The following RBFOX1 variants were observed in gnomAD, a reference collection of about 807,000 sequenced individuals.
RBFOX1 encodes RNA binding fox-1 homolog 1.
Under a neutral mutation model 57.7 loss-of-function variants are expected in RBFOX1, and 8 were observed. That is an observed-to-expected ratio of 0.14 (90% CI 0.08 to 0.25). RBFOX1 has a LOEUF of 0.25. Ranked by LOEUF, RBFOX1 falls within the 10% of genes least tolerant of loss-of-function variation. RBFOX1 has a pLI of 1.00. For synonymous variants in RBFOX1, 326 were observed against 222.4 expected, an observed-to-expected ratio of 1.47 and a Z score of -4.15; for missense variants, 611 against 548.5, an observed-to-expected ratio of 1.11 and a Z score of -1.14.
intron 4 of RBFOX1, among the ~76,000 whole-genome samples, chr16:7,228,534 A>G: frequency 6.6e-6 from 1 of 152,218 alleles, no homozygotes; most frequent in South Asian, 2.1e-4. Context: ...GAAATTTTAC[A>G]GATTGGGAAA....
chr16:6,891,306 C>G (rs191477934), intron 3 of RBFOX1, among the ~76,000 whole-genome samples: 3 of 152,282 alleles, frequency 2.0e-5, no homozygotes, highest in African/African-American at 7.2e-5. Context: ...AGTATTATCT[C>G]TAAAGAGGAA....
intron 3 of RBFOX1, among the ~76,000 whole-genome samples, chr16:5,741,360 C>T (rs958160319): frequency 6.6e-6 from 1 of 152,146 alleles, no homozygotes; most frequent in African/African-American, 2.4e-5. Flanking sequence ...TCATCTCCAT[C>T]TTCTTTAATG....
intron 4 of RBFOX1, among the ~76,000 whole-genome samples, chr16:5,965,991 C>T (rs1182136155): frequency 6.6e-6 from 1 of 152,182 alleles, no homozygotes; most frequent in African/African-American, 2.4e-5. Context: ...GGCATTCTTG[C>T]TGCCCCCAAC....
chr16:5,720,865 G>T (rs958075582), intron 3 of RBFOX1, among the ~76,000 whole-genome samples: 7 of 152,152 alleles, frequency 4.6e-5, no homozygotes, highest in African/African-American at 7.2e-5. Context: ...TGGGAAGTGT[G>T]AGTCTCCAAC....
At chr16:5,924,698 A>G (rs1289708320) in intron 4 of RBFOX1, among the ~76,000 whole-genome samples, 1 of 152,124 alleles carries the variant, frequency 6.6e-6, no homozygotes, top group East Asian at 1.9e-4. Flanking sequence ...TACCCAGCCT[A>G]TGTATTCTTT....
At chr16:7,267,471 G>C (rs1048217524) in intron 4 of RBFOX1, among the ~76,000 whole-genome samples, 2 of 152,176 alleles carry the variant, frequency 1.3e-5, no homozygotes, top group Admixed American at 6.5e-5. Flanking sequence ...AGTAGGTGGA[G>C]GTTGCAGCGA....
intron 4 of RBFOX1, among the ~76,000 whole-genome samples, chr16:7,493,984 A>G (rs758776291): frequency 6.6e-6 from 1 of 152,236 alleles, no homozygotes; most frequent in Non-Finnish European, 1.5e-5. Context: ...TTGAAGAACC[A>G]CACTGATAAG....
chr16:6,708,379 T>G (rs7188849), intron 3 of RBFOX1, among the ~76,000 whole-genome samples: 81,088 of 151,966 alleles, frequency 0.53, 24,014 homozygotes, highest in Middle Eastern at 0.8. Flanking sequence ...CTTTCCATCA[T>G]TTTTTCCTAA....
chr16:6,551,796 C>G (rs2096994497), intron 2 of RBFOX1, among the ~76,000 whole-genome samples: 1 of 152,196 alleles, frequency 6.6e-6, no homozygotes, highest in Admixed American at 6.5e-5. Context: ...GACGTCAGAG[C>G]TACTGTGATT....
At chr16:5,346,759 G>A (rs1405040475) in intron 1 of RBFOX1, among the ~76,000 whole-genome samples, 1 of 152,180 alleles carries the variant, frequency 6.6e-6, no homozygotes, top group Non-Finnish European at 1.5e-5. Flanking sequence ...ATGGCCTCTG[G>A]AGCTGAGCTG....
chr16:5,808,413 G>A (rs961837215), intron 3 of RBFOX1, among the ~76,000 whole-genome samples: 3 of 152,074 alleles, frequency 2.0e-5, no homozygotes, highest in Admixed American at 1.3e-4. Context: ...CTCTTTTTTG[G>A]TTCCATATGA....
chr16:6,462,797 A>T (rs1437005133), intron 2 of RBFOX1, among the ~76,000 whole-genome samples: 1 of 152,032 alleles, frequency 6.6e-6, no homozygotes. Flanking sequence ...TTTAAAAAGT[A>T]TTGAGTATAC....
intron 3 of RBFOX1, among the ~76,000 whole-genome samples, chr16:5,717,788 G>T (rs927085949): frequency 4.6e-5 from 7 of 152,136 alleles, no homozygotes; most frequent in Non-Finnish European, 8.8e-5. Context: ...ACTATTCGGA[G>T]GGCCTCCCAT....
At chr16:6,972,831 C>T (rs1407047328) in intron 3 of RBFOX1, among the ~76,000 whole-genome samples, 1 of 151,926 alleles carries the variant, frequency 6.6e-6, no homozygotes, top group Non-Finnish European at 1.5e-5. Context: ...TCAATAAAAC[C>T]AGAGACAAGG....
chr16:6,042,305 T>TG (rs1482855261), intron 1 of RBFOX1, among the ~76,000 whole-genome samples: 2 of 152,028 alleles, frequency 1.3e-5, no homozygotes, highest in Non-Finnish European at 2.9e-5. Context: ...TTCACCGTGT[T>TG]GGCCAGGATG....
chr16:5,821,864 G>A (rs542677145), intron 3 of RBFOX1, among the ~76,000 whole-genome samples: 175 of 152,280 alleles, frequency 1.1e-3, no homozygotes, highest in African/African-American at 4.1e-3. Context: ...GGCCCAGCCA[G>A]TTTCCTGCAG....
At chr16:6,803,871 C>T (rs1430618071) in intron 3 of RBFOX1, among the ~76,000 whole-genome samples, 4 of 152,140 alleles carry the variant, frequency 2.6e-5, no homozygotes, top group Non-Finnish European at 5.9e-5. Context: ...AAAAACCATG[C>T]TGTAAGCTGC....
At chr16:6,310,208 A>G (rs1172507093) in intron 1 of RBFOX1, among the ~76,000 whole-genome samples, 1 of 152,200 alleles carries the variant, frequency 6.6e-6, no homozygotes, top group Non-Finnish European at 1.5e-5. Context: ...TAAGCAGCAT[A>G]AGCCACATGT....
At chr16:5,867,012 C>T (rs1228589661) in intron 3 of RBFOX1, among the ~76,000 whole-genome samples, 1 of 152,154 alleles carries the variant, frequency 6.6e-6, no homozygotes, top group Non-Finnish European at 1.5e-5. Flanking sequence ...AGTACATGGA[C>T]ATTGCTCACA....
Sources: allele counts gnomAD v4.1 joint callset (sites outside exome capture counted in the v4.1 genomes callset), GRCh38; gene constraint gnomAD v4.1.1; transcripts MANE v1.5; gene names NCBI Gene and HGNC (gene_info 2026-07-23, HGNC 2026-07-21).